ZNF248: variants seen among roughly 807,000 people sequenced by gnomAD.
ZNF248 encodes zinc finger protein 248.
ZNF248 carries 20 observed loss-of-function variants against 44.3 expected under a neutral mutation model. That is an observed-to-expected ratio of 0.45 (90% CI 0.32 to 0.66). The LOEUF (loss-of-function observed/expected upper bound fraction) is 0.66. ZNF248 is among the 30% of genes least tolerant of loss of function. The probability of loss-of-function intolerance (pLI) is 0.04; values close to 1 mark genes in which losing one functional copy is unlikely to be tolerated. For synonymous variants in ZNF248, 224 were observed against 229.0 expected, an observed-to-expected ratio of 0.98 and a Z score of 0.20; for missense variants, 654 against 677.0, an observed-to-expected ratio of 0.97 and a Z score of 0.38.
intron 6 of ZNF248, among the ~76,000 whole-genome samples, chr10:37,822,625 C>G (rs1292789001): frequency 6.6e-6 from 1 of 151,860 alleles, no homozygotes; most frequent in East Asian, 1.9e-4. Context: ...ATAATATAGT[C>G]AAGATCAGGG....
chr10:37,819,834 T>C lies in ZNF248; in HGVS notation c.330+13191A>G. The C allele has an allele frequency of 3.8e-6, 3 of 787,014 alleles. No individual in the cohort carries two copies. In the South Asian group the frequency reaches 4.0e-5, roughly 11 times the overall value. 48.8% of individuals were successfully genotyped at this position (787,014 alleles called of 1,614,324 possible). ...GCAGGAGGTTTCCGCTTTGCTAACATTTTCCGTTGTCTATCTCTTCCCTCT... is the reference window on the plus strand; with the variant it reads ...GCAGGAGGTTTCCGCTTTGCTAACACTTTCCGTTGTCTATCTCTTCCCTCT... On this transcript the variant is annotated intron_variant, in intron 6 of 6. Coordinates refer to the ZNF248 transcript ENST00000615949.
chr10:37,822,580 C>T (rs941930483), intron 6 of ZNF248, among the ~76,000 whole-genome samples: 2 of 151,966 alleles, frequency 1.3e-5, no homozygotes, highest in African/African-American at 2.4e-5. Context: ...TTATTAAATA[C>T]ATATTAATAA....
chr10:37,840,516 A>C (rs2058142823), intron 3 of ZNF248, among the ~76,000 whole-genome samples: 1 of 152,216 alleles, frequency 6.6e-6, no homozygotes, highest in Non-Finnish European at 1.5e-5. Context: ...GACAGTATCA[A>C]TTTTAAGTTC....
At chr10:37,819,266 A>C in intron 6 of ZNF248, 1 of 899,864 alleles carries the variant, frequency 1.1e-6, no homozygotes, top group East Asian at 2.4e-5. Flanking sequence ...ATAGAAGTTT[A>C]GATCATTTCC....
At chr10:37,797,615 AAGAC>A (rs2049312715) in intron 6 of ZNF248, among the ~76,000 whole-genome samples, 1 of 152,140 alleles carries the variant, frequency 6.6e-6, no homozygotes, top group African/African-American at 2.4e-5. Flanking sequence ...CAACAACAAA[AAGAC>A]AGCCCAATTA....
intron 6 of ZNF248, among the ~76,000 whole-genome samples, chr10:37,812,211 T>C (rs2051625560): frequency 6.6e-6 from 1 of 152,088 alleles, no homozygotes; most frequent in South Asian, 2.1e-4. Context: ...CACTCCAGCC[T>C]GGGTGACAGA....
the ZNF248 span, among the ~76,000 whole-genome samples, chr10:37,764,961 CT>C: frequency 1.6e-3 from 237 of 145,368 alleles, no homozygotes; most frequent in South Asian, 4.9e-3. Flanking sequence ...CTTTTTGAGC[CT>C]TTTTTTTTTT....
intron 6 of ZNF248, among the ~76,000 whole-genome samples, chr10:37,781,599 C>T (rs1190519521): frequency 6.6e-6 from 1 of 151,148 alleles, no homozygotes; most frequent in East Asian, 2.0e-4. Flanking sequence ...GTCTGGGCCT[C>T]CTCGGGGACT....
chr10:37,785,769 GT>G, intron 6 of ZNF248, among the ~76,000 whole-genome samples: 1 of 152,274 alleles, frequency 6.6e-6, no homozygotes, highest in Middle Eastern at 3.4e-3. Flanking sequence ...TCACACACTT[GT>G]TTATTATTAT....
intron 6 of ZNF248, among the ~76,000 whole-genome samples, chr10:37,821,955 C>T (rs1005909071): frequency 6.6e-6 from 1 of 152,152 alleles, no homozygotes; most frequent in Non-Finnish European, 1.5e-5. Context: ...AACCAGTTCT[C>T]CAAAGGATAA....
At chr10:37,818,797 A>G in intron 6 of ZNF248, 1 of 825,082 alleles carries the variant, frequency 1.2e-6, no homozygotes, top group East Asian at 3.0e-5. Context: ...AGGTGTTACT[A>G]CTCATTTTGG....
intron 6 of ZNF248, among the ~76,000 whole-genome samples, chr10:37,801,734 A>G (rs2049864192): frequency 6.6e-6 from 1 of 152,160 alleles, no homozygotes; most frequent in Non-Finnish European, 1.5e-5. Context: ...AAAGTCTGAC[A>G]ACACCAAGTG....
At chr10:37,842,344 G>A (rs925994188) in intron 3 of ZNF248, among the ~76,000 whole-genome samples, 5 of 152,056 alleles carry the variant, frequency 3.3e-5, no homozygotes, top group East Asian at 3.9e-4. Flanking sequence ...AATAAACTTC[G>A]TCAGAATTCT....
chr10:37,835,584 T>C (rs1169636943), intron 5 of ZNF248, among the ~76,000 whole-genome samples: 2 of 152,192 alleles, frequency 1.3e-5, no homozygotes, highest in African/African-American at 4.8e-5. Flanking sequence ...GTATGTTTTT[T>C]AAGTTTTTGA....
At chr10:37,774,552 G>A (rs1408497202), downstream of ZNF248, among the ~76,000 whole-genome samples, 3 of 152,240 alleles carry the variant, frequency 2.0e-5, no homozygotes, top group East Asian at 3.9e-4. Flanking sequence ...AGGAAGACAA[G>A]AACATGAAGC....
At chr10:37,768,769 A>G in the ZNF248 span, among the ~76,000 whole-genome samples, 2 of 152,214 alleles carry the variant, frequency 1.3e-5, no homozygotes, top group East Asian at 1.9e-4. Flanking sequence ...ATTAACTAAA[A>G]TCAGAGCAGA....
intron 6 of ZNF248, among the ~76,000 whole-genome samples, chr10:37,779,363 C>A (rs1331456481): frequency 6.6e-6 from 1 of 152,124 alleles, no homozygotes; most frequent in East Asian, 1.9e-4. Context: ...GTTCAATATA[C>A]ACAAATCAAT....
At chr10:37,815,635 GTTTCT>G (rs2052323763) in intron 6 of ZNF248, among the ~76,000 whole-genome samples, 1 of 151,808 alleles carries the variant, frequency 6.6e-6, no homozygotes, top group African/African-American at 2.4e-5. Context: ...TTCAGGGACA[GTTTCT>G]TTTCTTTTTT....
chr10:37,783,238 T>C (rs2047517200), intron 6 of ZNF248, among the ~76,000 whole-genome samples: 1 of 152,196 alleles, frequency 6.6e-6, no homozygotes, highest in Non-Finnish European at 1.5e-5. Context: ...GACAATTCTC[T>C]GGATATTCAC....
Sources: gnomAD v4.1 joint callset for allele counts (sites outside exome capture counted in the v4.1 genomes callset) on GRCh38, gnomAD v4.1.1 for gene constraint, MANE v1.5 for transcripts, NCBI Gene and HGNC (gene_info 2026-07-23, HGNC 2026-07-21) for gene names.